Variants in ACAA2 observed in about 807,000 individuals in gnomAD.
The protein encoded by ACAA2 is acetyl-CoA acyltransferase 2.
In ACAA2, 35 loss-of-function variants were observed where a neutral mutation model predicts 44.8. The observed-to-expected ratio is 0.78, with a 90% CI of 0.60 to 1.04. The LOEUF (loss-of-function observed/expected upper bound fraction) is 1.04. Ranked by LOEUF, ACAA2 falls within the 50% of genes least tolerant of loss-of-function variation. The pLI, the probability that ACAA2 is intolerant of heterozygous loss-of-function variation, is 0.00. For missense variants in ACAA2, 468 were observed against 482.6 expected, an observed-to-expected ratio of 0.97 and a Z score of 0.28; for synonymous variants, 142 against 166.5, an observed-to-expected ratio of 0.85 and a Z score of 1.13.
chr18:49,788,929 C>T (rs189655337), intron 7 of ACAA2, among the ~76,000 whole-genome samples: 39 of 152,344 alleles, frequency 2.6e-4, no homozygotes, highest in African/African-American at 8.4e-4. Flanking sequence ...CTTTGTGCAT[C>T]TCTCTGGGCA....
Position 49,782,269 on chromosome 18 carries a change from A to T in ACAA2, c.*1578T>A, listed in dbSNP as rs967537886. ...CTGCTGCTTCTCAGTAAGGATCCCA[A>T]ACAATAAAAGCTGGACTTGCCTGTT... On this transcript the variant is annotated 3_prime_UTR_variant, in exon 10 of 10. Transcript: ENST00000285093. 6.6e-6 allele frequency: 1 copy of T among 152,214 alleles called. No homozygotes were observed. Among genetic ancestry groups the T allele is most frequent in the Admixed American group, 6.5e-5 (1 of 15,286 alleles). 9.4% of individuals were successfully genotyped at this position (152,214 alleles called of 1,614,324 possible). A position where few individuals can be genotyped will look rare whatever the true frequency, so the allele number is the denominator to read the frequency against.
chr18:49,785,215 T>G lies in ACAA2; in HGVS notation c.1091A>C (p.His364Pro), dbSNP rs141446101. 1 of 1,612,470 alleles carries G rather than the reference T, an allele frequency of 6.2e-7. No individual in the cohort carries two copies. Among genetic ancestry groups the G allele is most frequent in the Non-Finnish European group, 8.5e-7 (1 of 1,179,672 alleles). Residue 364 changes from histidine (H) to proline (P), a missense_variant, in exon 9 of 10, where the codon CAC (histidine) becomes CCC (proline). By Grantham distance (77) the His-to-Pro change is moderately conservative (BLOSUM62 -2). Transcript: ENST00000285093. ...CAAATACCTTAATTCGTGAACCAGG[T>G]GTGCAGTAATTCTTGATCCAGATCC... ...LGGSGSRITA[H>P]LVHELRRRGG...
At chr18:49,796,422 T>C (rs1269436823) in intron 3 of ACAA2, among the ~76,000 whole-genome samples, 1 of 152,200 alleles carries the variant, frequency 6.6e-6, no homozygotes, top group African/African-American at 2.4e-5. Flanking sequence ...CTTAAAATTA[T>C]TACTAGGAAA....
At chr18:49,800,534 TC>T (rs2023534730) in intron 2 of ACAA2, among the ~76,000 whole-genome samples, 1 of 152,178 alleles carries the variant, frequency 6.6e-6, no homozygotes. Flanking sequence ...GGGAGACTTT[TC>T]ATTTTGTTTT....
At chr18:49,791,301 C>T (rs1360936030) in intron 7 of ACAA2, among the ~76,000 whole-genome samples, 169 bp downstream of exon 7, 1 of 152,170 alleles carries the variant, frequency 6.6e-6, no homozygotes, top group Non-Finnish European at 1.5e-5. Flanking sequence ...CTTGGTTTTT[C>T]TATTGTGTCT....
chr18:49,788,675 AG>A (rs899178589), intron 7 of ACAA2, among the ~76,000 whole-genome samples: 1 of 152,220 alleles, frequency 6.6e-6, no homozygotes, highest in African/African-American at 2.4e-5. Context: ...GACACATAAA[AG>A]GTGGACAATG....
intron 8 of ACAA2, 31 bp downstream of exon 8, chr18:49,787,260 T>TACAAAAA (rs1555789739): frequency 1.2e-6 from 1 of 848,790 alleles, no homozygotes; most frequent in African/African-American, 2.1e-5. Context: ...TTCATGTTGT[T>TACAAAAA]AAAAAAAAAA....
chr18:49,793,493 C>G (rs1047229927), intron 5 of ACAA2, among the ~76,000 whole-genome samples: 1 of 152,194 alleles, frequency 6.6e-6, no homozygotes, highest in South Asian at 2.1e-4. Context: ...CTCTTGACTT[C>G]TAGACCAATC....
intron 7 of ACAA2, among the ~76,000 whole-genome samples, chr18:49,789,153 A>G (rs2023368562): frequency 6.6e-6 from 1 of 152,090 alleles, no homozygotes; most frequent in Non-Finnish European, 1.5e-5. Context: ...CCTCAGAACC[A>G]GTACTATTCT....
chr18:49,796,744 AC>A (rs1268568044), intron 3 of ACAA2, among the ~76,000 whole-genome samples: 1 of 151,894 alleles, frequency 6.6e-6, no homozygotes, highest in Non-Finnish European at 1.5e-5. Flanking sequence ...TCAGTGCCTC[AC>A]AGGTAACACT....
At chr18:49,809,379 A>T (rs1301016674) in intron 1 of ACAA2, among the ~76,000 whole-genome samples, 2 of 152,198 alleles carry the variant, frequency 1.3e-5, no homozygotes, top group African/African-American at 4.8e-5. Context: ...TAAGAGTATT[A>T]TTAGGGAAGT....
chr18:49,803,431 T>C (rs1235364221), intron 1 of ACAA2, among the ~76,000 whole-genome samples: 1 of 152,118 alleles, frequency 6.6e-6, no homozygotes, highest in African/African-American at 2.4e-5. Flanking sequence ...TCCTTTCAGG[T>C]GGACCCCTTA....
chr18:49,810,742 C>A (rs1237050590), intron 1 of ACAA2, among the ~76,000 whole-genome samples: 3 of 151,498 alleles, frequency 2.0e-5, no homozygotes, highest in Non-Finnish European at 1.5e-5. Flanking sequence ...GGCTGAAGTG[C>A]GGTAGTGTGA....
At chr18:49,790,569 T>C (rs879893478) in intron 7 of ACAA2, among the ~76,000 whole-genome samples, 22 of 152,248 alleles carry the variant, frequency 1.4e-4, no homozygotes, top group African/African-American at 4.8e-4. Flanking sequence ...TGGGAGGTTA[T>C]ATGTAGGTGG....
chr18:49,801,418 A>G (rs1476388765), intron 2 of ACAA2, among the ~76,000 whole-genome samples: 2 of 152,240 alleles, frequency 1.3e-5, no homozygotes, highest in Admixed American at 6.5e-5. Context: ...AAAATTCTAG[A>G]AAACGCAAAA....
chr18:49,790,166 A>G (rs748328779), intron 7 of ACAA2, among the ~76,000 whole-genome samples: 8 of 152,256 alleles, frequency 5.3e-5, no homozygotes, highest in African/African-American at 1.7e-4. Flanking sequence ...TCTTTTGCCA[A>G]TAGTGGATAG....
chr18:49,789,653 C>A (rs1250281559), intron 7 of ACAA2, among the ~76,000 whole-genome samples: 3 of 152,132 alleles, frequency 2.0e-5, no homozygotes, highest in Non-Finnish European at 2.9e-5. Context: ...TTTGTTTGAT[C>A]ATCAAAAGCA....
intron 7 of ACAA2, 127 bp from the exon 8 acceptor site, chr18:49,787,488 T>C (rs544693579): frequency 1.5e-6 from 1 of 658,840 alleles, no homozygotes; most frequent in East Asian, 3.3e-5. Flanking sequence ...GCCACAAATC[T>C]TACTACCTTG....
chr18:49,795,949 T>A, intron 3 of ACAA2, 68 bp from the exon 4 acceptor site: 1 of 950,776 alleles, frequency 1.1e-6, no homozygotes, highest in South Asian at 1.5e-5. Context: ...AGAAACACAC[T>A]GATTTTACAA....
Sources: allele counts gnomAD v4.1 joint callset (sites outside exome capture counted in the v4.1 genomes callset), GRCh38; gene constraint gnomAD v4.1.1; transcripts MANE v1.5; gene names NCBI Gene and HGNC (gene_info 2026-07-23, HGNC 2026-07-21).